TAFA1: variants seen among roughly 807,000 people sequenced by gnomAD.
The protein encoded by TAFA1 is chemokine-like protein TAFA-1.
A neutral mutation model predicts 18.5 loss-of-function variants in TAFA1; 4 were observed. The ratio of observed to expected loss-of-function variants is 0.22; its 90% CI spans 0.11 to 0.49. TAFA1 has a LOEUF of 0.49. Among genes scored for constraint, TAFA1 ranks in the 20% least tolerant of loss-of-function variants. TAFA1 has a pLI of 0.98. For synonymous variants in TAFA1, 56 were observed against 55.2 expected (o/e 1.01, Z -0.06); for missense variants, 147 against 169.0 (o/e 0.87, Z 0.72).
intron 2 of TAFA1, among the ~76,000 whole-genome samples, chr3:68,340,531 A>G (rs1010082738): frequency 1.8e-4 from 28 of 152,220 alleles, no homozygotes; most frequent in African/African-American, 6.0e-4. Context: ...TAGACTCACC[A>G]TCGCACTCTA....
intron 2 of TAFA1, among the ~76,000 whole-genome samples, chr3:68,227,035 C>T (rs765078404): frequency 3.0e-4 from 46 of 152,166 alleles, no homozygotes; most frequent in Non-Finnish European, 6.6e-4. Flanking sequence ...AGAACATTTA[C>T]TATTATAAGG....
At chr3:68,054,768 T>G (rs1051632939) in intron 2 of TAFA1, among the ~76,000 whole-genome samples, 6 of 152,180 alleles carry the variant, frequency 3.9e-5, no homozygotes, top group Non-Finnish European at 7.4e-5. Context: ...TTTAATTGAT[T>G]GGGGTTAATA....
At chr3:68,081,668 C>G (rs1364432087) in intron 2 of TAFA1, among the ~76,000 whole-genome samples, 27 of 152,254 alleles carry the variant, frequency 1.8e-4, no homozygotes, top group East Asian at 1.9e-4. Flanking sequence ...CAGTCTGCCC[C>G]TTCTCAGATC....
At chr3:68,480,237 A>AG (rs1179607350) in intron 3 of TAFA1, among the ~76,000 whole-genome samples, 1 of 15,664 alleles carries the variant, frequency 6.4e-5, no homozygotes, top group Non-Finnish European at 1.7e-4. Flanking sequence ...CTAAAAATAC[A>AG]AAAAAAAAAA....
At chr3:68,232,370 T>C (rs2066882412) in intron 2 of TAFA1, among the ~76,000 whole-genome samples, 1 of 152,236 alleles carries the variant, frequency 6.6e-6, no homozygotes, top group Admixed American at 6.5e-5. Context: ...TCCAGGCTCA[T>C]ATTGCCCCAT....
intron 2 of TAFA1, among the ~76,000 whole-genome samples, chr3:68,344,627 C>T (rs891331528): frequency 7.9e-5 from 12 of 152,266 alleles, no homozygotes; most frequent in Admixed American, 2.6e-4. Context: ...CTAGCCCTGA[C>T]TTTTCCCCCT....
chr3:68,480,236 CAAAA>C (rs35040879), intron 3 of TAFA1, among the ~76,000 whole-genome samples: 1 of 127,064 alleles, frequency 7.9e-6, no homozygotes, highest in Non-Finnish European at 1.6e-5. Flanking sequence ...ACTAAAAATA[CAAAA>C]AAAAAAAAAA....
Position 68,139,185 on chromosome 3 carries a change from A to T in TAFA1, c.118+132441A>T, listed in dbSNP as rs573480678. On this transcript the variant is annotated intron_variant, in intron 2 of 4. Coordinates refer to ENST00000478136, the MANE Select transcript of TAFA1 (RefSeq NM_213609.4). ...ATCCATCATTATATACATAATATTT[A>T]TTTATGTTATCTCTTGCAAACATTG... Among the ~76,000 whole-genome samples, 5 of 152,294 alleles carry T rather than the reference A, an allele frequency of 3.3e-5. No homozygotes were observed. In the East Asian group the frequency reaches 9.6e-4, roughly 29 times the overall value.
intron 2 of TAFA1, among the ~76,000 whole-genome samples, chr3:68,390,293 C>T (rs914021440): frequency 6.6e-6 from 1 of 152,170 alleles, no homozygotes; most frequent in African/African-American, 2.4e-5. Context: ...TGTAGCCAGA[C>T]TGCCTCTCTA....
At chr3:68,467,798 T>G (rs1306541464) in intron 3 of TAFA1, among the ~76,000 whole-genome samples, 1 of 152,182 alleles carries the variant, frequency 6.6e-6, no homozygotes, top group Admixed American at 6.5e-5. Context: ...CTAAACTGAT[T>G]TAGCAAATTC....
At chr3:68,278,270 A>G (rs2067831838) in intron 2 of TAFA1, among the ~76,000 whole-genome samples, 1 of 152,158 alleles carries the variant, frequency 6.6e-6, no homozygotes, top group Non-Finnish European at 1.5e-5. Flanking sequence ...ATATGTCTCC[A>G]GATGGATTTA....
At chr3:68,301,492 C>T (rs571663372) in intron 2 of TAFA1, among the ~76,000 whole-genome samples, 10 of 152,236 alleles carry the variant, frequency 6.6e-5, no homozygotes, top group African/African-American at 1.9e-4. Flanking sequence ...ACAAGAGTCT[C>T]AGTAAAGCTC....
intron 2 of TAFA1, among the ~76,000 whole-genome samples, chr3:68,163,091 TTAAA>T (rs1166924421): frequency 1.3e-5 from 2 of 152,254 alleles, no homozygotes; most frequent in African/African-American, 4.8e-5. Context: ...CTTTATTAAC[TTAAA>T]TAAAAGTAAG....
chr3:68,512,693 T>TCC (rs2072867609), intron 3 of TAFA1, among the ~76,000 whole-genome samples: 1 of 122,796 alleles, frequency 8.1e-6, no homozygotes, highest in Non-Finnish European at 2.0e-5. Context: ...TGTTTGTTTG[T>TCC]TTGTTTGTTT....
chr3:68,223,800 G>C (rs1173316794), intron 2 of TAFA1, among the ~76,000 whole-genome samples: 2 of 152,118 alleles, frequency 1.3e-5, no homozygotes, highest in East Asian at 3.9e-4. Flanking sequence ...CACACCTGAA[G>C]TTATTAGCAA....
chr3:68,346,978 C>T (rs2069173691), intron 2 of TAFA1, among the ~76,000 whole-genome samples: 1 of 150,194 alleles, frequency 6.7e-6, no homozygotes, highest in South Asian at 2.1e-4. Context: ...GGAACTAGTT[C>T]CATCCCTTTT....
intron 2 of TAFA1, among the ~76,000 whole-genome samples, chr3:68,262,661 T>C (rs1376564362): frequency 6.6e-6 from 1 of 152,116 alleles, no homozygotes; most frequent in African/African-American, 2.4e-5. Flanking sequence ...ATGTACCACA[T>C]TTTCTTTATC....
intron 2 of TAFA1, among the ~76,000 whole-genome samples, chr3:68,189,596 T>C (rs1371400152): frequency 6.6e-6 from 1 of 151,800 alleles, no homozygotes; most frequent in Non-Finnish European, 1.5e-5. Flanking sequence ...CAATGACTGG[T>C]ACTCAGTCAA....
chr3:68,449,737 C>G (rs1395137963), intron 3 of TAFA1, among the ~76,000 whole-genome samples: 2 of 151,930 alleles, frequency 1.3e-5, no homozygotes, highest in Admixed American at 1.3e-4. Flanking sequence ...ATGCTGAGCC[C>G]ACATGAGTGT....
Sources: gnomAD v4.1 joint callset for allele counts (sites outside exome capture counted in the v4.1 genomes callset) on GRCh38, gnomAD v4.1.1 for gene constraint, MANE v1.5 for transcripts, NCBI Gene and HGNC (gene_info 2026-07-23, HGNC 2026-07-21) for gene names.